Variants in SLC6A5 observed in about 807,000 individuals in gnomAD.
SLC6A5 encodes the protein sodium- and chloride-dependent glycine transporter 2.
In SLC6A5, 58 loss-of-function variants were observed where a neutral mutation model predicts 90.5. That is an observed-to-expected ratio of 0.64 (90% CI 0.52 to 0.80). The LOEUF is 0.80. SLC6A5 is among the 30% of genes least tolerant of loss of function. SLC6A5 has a pLI of 0.00. For missense variants in SLC6A5, 1,015 were observed against 1,017.6 expected, an observed-to-expected ratio of 1.00 and a Z score of 0.03; for synonymous variants, 427 against 401.4, an observed-to-expected ratio of 1.06 and a Z score of -0.76.
chr11:20,602,240 C>T (rs1265613465), intron 2 of SLC6A5, among the ~76,000 whole-genome samples: 1 of 152,104 alleles, frequency 6.6e-6, no homozygotes, highest in African/African-American at 2.4e-5. Flanking sequence ...CTTCCAAAAC[C>T]TGGTGTCTAC....
chr11:20,604,557 C>G, intron 3 of SLC6A5, 133 bp downstream of exon 3: 1 of 1,112,392 alleles, frequency 9.0e-7, no homozygotes, highest in Non-Finnish European at 1.3e-6. Context: ...CAGCCCTACA[C>G]CTCGTAGGCT....
rs1273962194 is a variant in SLC6A5 at position 20,604,351 on chromosome 11, G to C, written c.606G>C (p.Leu202=). Reference sequence around the variant, plus strand: ...GGTCCAGCAAACTGGACTTCATCCTGTCCATGGTGGGGTACGCAGTGGGGC... The same window carrying C: ...GGTCCAGCAAACTGGACTTCATCCTCTCCATGGTGGGGTACGCAGTGGGGC... ...GNWSSKLDFI[L]SMVGYAVGLG... Residue 202 remains leucine, a synonymous_variant, in exon 3 of 16, where the codon CTG becomes CTC. Transcript: ENST00000525748. The C allele has an allele frequency of 6.2e-7, 1 of 1,614,050 alleles. No individual in the cohort carries two copies. The highest frequency in any genetic ancestry group is 1.3e-5 in the African/African-American group (1 of 74,940).
In SLC6A5 at chr11:20,655,121, C is replaced by T; in HGVS notation, c.*253C>T. ...TCTGGTCAGGTTGGTCCCCTGACCA[C>T]ACGTTTTACCCTGCAGAGGAGGATC... On this transcript the variant is annotated 3_prime_UTR_variant, in exon 16 of 16. Transcript: ENST00000525748. The T allele has an allele frequency of 2.0e-6, 1 of 502,696 alleles. No homozygotes were observed. The highest frequency in any genetic ancestry group is 3.7e-6 in the Non-Finnish European group (1 of 269,832). 31.1% of individuals were successfully genotyped at this position (502,696 alleles called of 1,614,324 possible).
At chr11:20,608,956 C>CTG (rs1248420823) in intron 5 of SLC6A5, among the ~76,000 whole-genome samples, 16 of 113,382 alleles carry the variant, frequency 1.4e-4, no homozygotes, top group African/African-American at 4.4e-4. Flanking sequence ...CTCTCTCTCT[C>CTG]TCTGTGTGTG....
At chr11:20,630,872 G>T (rs918734221) in intron 10 of SLC6A5, 57 bp downstream of exon 10, 2 of 1,599,732 alleles carry the variant, frequency 1.3e-6, no homozygotes, top group South Asian at 1.1e-5. Flanking sequence ...CATGTCACAA[G>T]CTCCTAATTT....
intron 15 of SLC6A5, among the ~76,000 whole-genome samples, 176 bp downstream of exon 15, chr11:20,652,632 A>T (rs572288407): frequency 6.6e-6 from 1 of 152,286 alleles, no homozygotes; most frequent in Non-Finnish European, 1.5e-5. Flanking sequence ...TGATTCCTCT[A>T]ATGGAGGGGC....
intron 7 of SLC6A5, among the ~76,000 whole-genome samples, chr11:20,625,676 A>G (rs1354974992): frequency 1.3e-5 from 2 of 149,404 alleles, no homozygotes; most frequent in African/African-American, 4.9e-5. Flanking sequence ...CTAGCCCCCC[A>G]CCCCCTACTC....
At chr11:20,619,534 C>T (rs904430698) in intron 7 of SLC6A5, among the ~76,000 whole-genome samples, 1 of 152,154 alleles carries the variant, frequency 6.6e-6, no homozygotes, top group Non-Finnish European at 1.5e-5. Context: ...AGCCCTTGTC[C>T]TTGGGGACTT....
At position 20,607,578 on chromosome 11, in the gene SLC6A5, C is replaced by T; in HGVS notation, c.911C>T (p.Ser304Phe). The change falls in exon 5 of 16, where the codon TCT becomes TTT. Residue 304 changes from serine (S) to phenylalanine (F), a missense_variant. Ser to Phe is a radical substitution (Grantham distance 155). Around this residue, in one of 3 missense-constraint regions of SLC6A5, gnomAD observed 567 missense variants for 507.3 expected, o/e 1.12. Coordinates refer to ENST00000525748, the MANE Select transcript of SLC6A5 (RefSeq NM_004211.5). ...TLFYLFASFVSVLPWGSCNNP... is the reference protein window; with the variant it reads ...TLFYLFASFVFVLPWGSCNNP... ...TTCTACCTGTTTGCCTCCTTTGTGT[C>T]TGTACTACCCTGGGGCTCCTGCAAC... 6.2e-7 allele frequency: 1 copy of T among 1,614,092 alleles called. No homozygotes were observed. The highest frequency in any genetic ancestry group is 8.5e-7 in the Non-Finnish European group (1 of 1,179,946).
intron 8 of SLC6A5, among the ~76,000 whole-genome samples, chr11:20,627,269 A>T (rs1853015680): frequency 6.6e-6 from 1 of 152,196 alleles, no homozygotes. Context: ...ACTTTTGTGC[A>T]CCCACACAGG....
chr11:20,617,078 C>T (rs1199420767), intron 6 of SLC6A5, among the ~76,000 whole-genome samples: 2 of 152,346 alleles, frequency 1.3e-5, no homozygotes, highest in African/African-American at 2.4e-5. Context: ...AGCCATTTGG[C>T]CAGGCAGGCC....
chr11:20,641,005 A>G (rs1853302692), intron 13 of SLC6A5, among the ~76,000 whole-genome samples: 2 of 152,208 alleles, frequency 1.3e-5, no homozygotes, highest in Non-Finnish European at 1.5e-5. Flanking sequence ...TTCAAGTTTT[A>G]TTTATTAGAT....
In SLC6A5 at chr11:20,605,535, A is replaced by T. The variant is rs149017069; in HGVS notation, c.679+1111A>T. ...GCCACACGAATAGAGGCACCCAGATAGGTTCCCGTTTGGTTTTCCGCAGGG... is the reference window on the plus strand; with the variant it reads ...GCCACACGAATAGAGGCACCCAGATTGGTTCCCGTTTGGTTTTCCGCAGGG... On this transcript the variant is annotated intron_variant, in intron 3 of 15. Coordinates refer to ENST00000525748, the MANE Select transcript of SLC6A5 (RefSeq NM_004211.5). 6.6e-5 allele frequency among the ~76,000 whole-genome samples: 10 copies of T among 152,316 alleles called. No individual in the cohort carries two copies. In the East Asian group the frequency reaches 1.9e-3, roughly 29 times the overall value.
chr11:20,630,502 G>A (rs112545898), intron 9 of SLC6A5, among the ~76,000 whole-genome samples, 189 bp from the exon 10 acceptor site: 1 of 152,342 alleles, frequency 6.6e-6, no homozygotes, highest in African/African-American at 2.4e-5. Flanking sequence ...GGCTATTAGG[G>A]GATATCGTCT....
At chr11:20,652,502 G>T in intron 15 of SLC6A5, 46 bp downstream of exon 15, 1 of 1,552,202 alleles carries the variant, frequency 6.4e-7, no homozygotes, top group Non-Finnish European at 8.9e-7. Context: ...CCAAGGGAAA[G>T]CCCATAAAAG....
chr11:20,608,932 C>G (rs1016216780), intron 5 of SLC6A5, among the ~76,000 whole-genome samples: 2,317 of 39,472 alleles, frequency 0.059, 12 homozygotes, highest in African/African-American at 0.1. Context: ...GTCTCTCTCT[C>G]TCTCTCTCTC....
At chr11:20,623,090 C>G (rs1327135025) in intron 7 of SLC6A5, among the ~76,000 whole-genome samples, 1 of 151,974 alleles carries the variant, frequency 6.6e-6, no homozygotes, top group East Asian at 1.9e-4. Context: ...GGCTGCTGCT[C>G]CTCCCTTCCA....
At chr11:20,636,236 G>A in intron 10 of SLC6A5, 71 bp from the exon 11 acceptor site, 2 of 877,872 alleles carry the variant, frequency 2.3e-6, no homozygotes, top group East Asian at 2.4e-5. Flanking sequence ...GCAGAGAGAA[G>A]GCCCTCTGGG....
Position 20,601,498 on chromosome 11 carries a change from C to T in SLC6A5, c.373C>T (p.Leu125=), listed in dbSNP as rs1380651088. ...CGCGCTGCACTGTAAGATCCCTTTT[C>T]TGCGAGGCCCGGAGGGGGATGCGAA... is the stretch of plus-strand genomic sequence containing the variant. ...GNALHCKIPF[L]RGPEGDANVS... Residue 125 remains leucine, a synonymous_variant, in exon 2 of 16, where the codon CTG becomes TTG. Transcript: ENST00000525748. 2 of 1,613,844 alleles carry T rather than the reference C, an allele frequency of 1.2e-6. No individual in the cohort carries two copies. The highest frequency in any genetic ancestry group is 3.3e-5 in the Admixed American group (2 of 59,984).
Sources: allele counts gnomAD v4.1 joint callset (sites outside exome capture counted in the v4.1 genomes callset), GRCh38; gene constraint gnomAD v4.1.1; regional missense constraint gnomAD v4.1.1; transcripts MANE v1.5; gene names NCBI Gene and HGNC (gene_info 2026-07-23, HGNC 2026-07-21).